The following STXBP4 variants were observed in gnomAD, a reference collection of about 807,000 sequenced individuals.
STXBP4 encodes syntaxin binding protein 4.
Under a neutral mutation model 76.1 loss-of-function variants are expected in STXBP4, and 55 were observed. That is an observed-to-expected ratio of 0.72 (90% CI 0.58 to 0.91). The LOEUF (loss-of-function observed/expected upper bound fraction) is 0.91, where lower values mean the gene tolerates loss of function less well. STXBP4 is among the 40% of genes least tolerant of loss of function. STXBP4 has a pLI of 0.00. For synonymous variants in STXBP4, 201 were observed against 220.2 expected (o/e 0.91, Z 0.77); for missense variants, 618 against 636.9 (o/e 0.97, Z 0.32).
chr17:55,127,851 A>T (rs1211623563), intron 16 of STXBP4, among the ~76,000 whole-genome samples: 4 of 152,188 alleles, frequency 2.6e-5, no homozygotes, highest in African/African-American at 7.2e-5. Flanking sequence ...AATTTAAAGG[A>T]CAAAGATAAT....
chr17:55,022,091 T>C (rs1052240598), intron 8 of STXBP4, among the ~76,000 whole-genome samples: 1 of 152,096 alleles, frequency 6.6e-6, no homozygotes, highest in African/African-American at 2.4e-5. Context: ...CCTTTTTTTT[T>C]TTTCAGTTCT....
At chr17:55,175,898 C>G (rs2080428331), downstream of STXBP4, among the ~76,000 whole-genome samples, 2 of 152,200 alleles carry the variant, frequency 1.3e-5, no homozygotes, top group African/African-American at 4.8e-5. Flanking sequence ...CAAAAGCATT[C>G]AGCAGGAGAG....
rs533699076 is a variant in STXBP4 at position 55,017,639 on chromosome 17, G to A, written c.666+10042G>A. 3.9e-5 allele frequency among the ~76,000 whole-genome samples: 6 copies of A among 152,348 alleles called. No homozygotes were observed. In the South Asian group the frequency reaches 1.2e-3, roughly 32 times the overall value. ...GAAAGGTAGGGGTGCACGCATGGGC[G>A]ACTGTTGAATAGAGACTTCTGGCTG... On this transcript the variant is annotated intron_variant, in intron 8 of 17. Coordinates refer to ENST00000376352, the MANE Select transcript of STXBP4 (RefSeq NM_178509.6).
chr17:54,981,320 C>A (rs578159111), intron 1 of STXBP4, among the ~76,000 whole-genome samples: 4 of 151,280 alleles, frequency 2.6e-5, no homozygotes, highest in East Asian at 3.9e-4. Context: ...GAGAGATGAT[C>A]GGCCTTACTA....
intron 17 of STXBP4, 138 bp from the exon 18 acceptor site, chr17:55,159,659 G>A (rs2080319071): frequency 1.9e-6 from 1 of 537,142 alleles, no homozygotes; most frequent in East Asian, 3.1e-5. Context: ...ACTTATTAAA[G>A]CTATTGGATC....
chr17:55,207,331 G>C, the STXBP4 span, among the ~76,000 whole-genome samples: 1 of 152,000 alleles, frequency 6.6e-6, no homozygotes, highest in African/African-American at 2.4e-5. Context: ...CACACTCGAG[G>C]CTCCCCCATA....
At chr17:55,108,544 C>T (rs546276566) in intron 16 of STXBP4, among the ~76,000 whole-genome samples, 13 of 152,294 alleles carry the variant, frequency 8.5e-5, no homozygotes, top group Admixed American at 4.6e-4. Flanking sequence ...GATGTAGGCA[C>T]CTGAGGTAAT....
At chr17:55,064,667 G>A (rs866567666) in intron 12 of STXBP4, among the ~76,000 whole-genome samples, 2 of 151,844 alleles carry the variant, frequency 1.3e-5, no homozygotes, top group African/African-American at 4.8e-5. Context: ...CACCATGCCC[G>A]GCTAATTTTT....
the STXBP4 span, among the ~76,000 whole-genome samples, chr17:55,200,024 C>T: frequency 6.6e-6 from 1 of 152,216 alleles, no homozygotes; most frequent in African/African-American, 2.4e-5. Flanking sequence ...CACCTTCCCT[C>T]CTGTTGTAAA....
chr17:55,046,393 A>G (rs1223549172), intron 11 of STXBP4, among the ~76,000 whole-genome samples: 1 of 151,802 alleles, frequency 6.6e-6, no homozygotes, highest in African/African-American at 2.4e-5. Flanking sequence ...AATCTTTACC[A>G]CTCAATTTAA....
At chr17:55,093,029 C>A (rs767839216) in intron 16 of STXBP4, among the ~76,000 whole-genome samples, 1 of 151,996 alleles carries the variant, frequency 6.6e-6, no homozygotes, top group Non-Finnish European at 1.5e-5. Context: ...GGGTCTCTCT[C>A]TATTGCCCAA....
At chr17:55,088,083 T>C (rs2079361794) in intron 16 of STXBP4, among the ~76,000 whole-genome samples, 1 of 152,248 alleles carries the variant, frequency 6.6e-6, no homozygotes, top group South Asian at 2.1e-4. Context: ...CCAGTACTTT[T>C]TATAAATTTG....
intron 9 of STXBP4, among the ~76,000 whole-genome samples, chr17:55,031,984 T>C (rs2078517295): frequency 6.6e-6 from 1 of 152,244 alleles, no homozygotes; most frequent in South Asian, 2.1e-4. Context: ...TTTGATAGTT[T>C]CTCAGTAGCT....
the STXBP4 span, among the ~76,000 whole-genome samples, chr17:55,196,663 AG>A: frequency 6.6e-6 from 1 of 152,214 alleles, no homozygotes; most frequent in Non-Finnish European, 1.5e-5. Context: ...GGCTCCTTTA[AG>A]ATATACATCT....
At chr17:55,011,310 G>A (rs1189510518) in intron 8 of STXBP4, among the ~76,000 whole-genome samples, 1 of 151,596 alleles carries the variant, frequency 6.6e-6, no homozygotes, top group Non-Finnish European at 1.5e-5. Context: ...TACACATACA[G>A]TTTAAAGAAT....
the STXBP4 span, among the ~76,000 whole-genome samples, chr17:55,181,093 C>T: frequency 6.6e-6 from 1 of 152,168 alleles, no homozygotes; most frequent in Non-Finnish European, 1.5e-5. Context: ...ACACTAGCAA[C>T]CTATGCTTCT....
rs530523635 is a variant in STXBP4, at chr17:54,997,041, T to C, written c.181-2304T>C. Among the ~76,000 whole-genome samples the C allele has an allele frequency of 9.8e-5, 15 of 152,346 alleles. No homozygotes were observed. The East Asian group carries it at 2.9e-3, about 29-fold the overall frequency. On this transcript the variant is annotated intron_variant, in intron 4 of 17. Coordinates refer to ENST00000376352, the MANE Select transcript of STXBP4 (RefSeq NM_178509.6). ...ATTGCCTCCCATGTCAGGTAGTTGC[T>C]CTGTAACTGCTGAATTGGAATCTAG...
chr17:55,037,028 G>T (rs1346914297), intron 10 of STXBP4, among the ~76,000 whole-genome samples: 2 of 151,880 alleles, frequency 1.3e-5, no homozygotes, highest in African/African-American at 4.8e-5. Flanking sequence ...CTCTTTTACT[G>T]CTAAGCATGT....
At chr17:55,045,211 A>C (rs1442732087) in intron 11 of STXBP4, among the ~76,000 whole-genome samples, 1 of 152,220 alleles carries the variant, frequency 6.6e-6, no homozygotes, top group Non-Finnish European at 1.5e-5. Flanking sequence ...TTTCACTACT[A>C]TAAGAGTATT....
Sources: gnomAD v4.1 joint callset for allele counts (sites outside exome capture counted in the v4.1 genomes callset) on GRCh38, gnomAD v4.1.1 for gene constraint, MANE v1.5 for transcripts, NCBI Gene and HGNC (gene_info 2026-07-23, HGNC 2026-07-21) for gene names.